Variants in USP42 observed in about 807,000 individuals in gnomAD.
The protein encoded by USP42 is ubiquitin carboxyl-terminal hydrolase 42.
Under a neutral mutation model 113.0 loss-of-function variants are expected in USP42, and 23 were observed. The observed-to-expected ratio is 0.20, with a 90% CI of 0.15 to 0.29. The LOEUF (loss-of-function observed/expected upper bound fraction) is 0.29, where lower values mean the gene tolerates loss of function less well. USP42 is among the 10% of genes least tolerant of loss of function. The pLI is 1.00. For missense variants in USP42, 2,174 were observed against 1,779.8 expected (o/e 1.22, Z -3.99); for synonymous variants, 933 against 699.0 (o/e 1.33, Z -5.28).
At chr7:6,110,489 G>GT (rs1779541121) in intron 1 of USP42, among the ~76,000 whole-genome samples, 1 of 152,070 alleles carries the variant, frequency 6.6e-6, no homozygotes, top group Non-Finnish European at 1.5e-5. Flanking sequence ...AGATATTTGT[G>GT]TTTGAGTTTG....
At chr7:6,085,624 A>AT in the USP42 span, among the ~76,000 whole-genome samples, 21 of 138,334 alleles carry the variant, frequency 1.5e-4, 1 homozygote, top group Admixed American at 2.2e-4. Flanking sequence ...ATATATATAT[A>AT]TTTTTTTTGA....
the USP42 span, among the ~76,000 whole-genome samples, chr7:6,091,990 CTTCT>C: frequency 1.7e-5 from 1 of 58,474 alleles, no homozygotes; most frequent in Non-Finnish European, 4.1e-5. Context: ...TCTTCTTCTT[CTTCT>C]TCTTCTTCTT....
At chr7:6,088,765 C>T in the USP42 span, 2 of 151,248 alleles carry the variant, frequency 1.3e-5, no homozygotes, top group Non-Finnish European at 2.9e-5. Context: ...ACATTTTGCT[C>T]TCCTTCTCTC....
chr7:6,082,603 GTTTTTTT>G, the USP42 span, among the ~76,000 whole-genome samples: 5 of 90,194 alleles, frequency 5.5e-5, no homozygotes, highest in South Asian at 7.1e-4. Context: ...CTTTCTTTCT[GTTTTTTT>G]TTTTTTTTTT....
the USP42 span, among the ~76,000 whole-genome samples, chr7:6,084,850 C>T: frequency 1.3e-5 from 2 of 150,100 alleles, no homozygotes; most frequent in South Asian, 4.2e-4. Context: ...TTCTGAGTAT[C>T]TGGAACTACA....
chr7:6,142,380 C>T (rs1296369244), intron 7 of USP42, among the ~76,000 whole-genome samples: 1 of 151,956 alleles, frequency 6.6e-6, no homozygotes. Context: ...CTGTGCCCTG[C>T]TAATTTTTTG....
At chr7:6,082,589 TTTTC>T in the USP42 span, among the ~76,000 whole-genome samples, 30 of 147,660 alleles carry the variant, frequency 2.0e-4, 1 homozygote, top group African/African-American at 6.4e-4. Flanking sequence ...TGCGTCTCTA[TTTTC>T]TTTCTTTCTG....
At chr7:6,105,487 G>A (rs1301279441) in intron 1 of USP42, among the ~76,000 whole-genome samples, 1 of 142,688 alleles carries the variant, frequency 7.0e-6, no homozygotes, top group Non-Finnish European at 1.6e-5. Flanking sequence ...CCCCCGCGTG[G>A]CTGCCACCTC....
Position 6,154,741 on chromosome 7 carries a change from C to T in USP42, c.3187C>T (p.His1063Tyr), listed in dbSNP as rs1241060097. Residue 1063 changes from histidine (H) to tyrosine (Y), a missense_variant, in exon 15 of 18, where the codon CAT becomes TAT. Physicochemically the swap from His to Tyr is moderately conservative, Grantham distance 83. Transcript: ENST00000306177. ...GCGCTGGGACAGGTGCCGGTACTAC[C>T]ATGACAGGTACGCCCTGTACGCTGC... The part of the protein sequence containing the change: ...RPRWDRCRYY[H>Y]DRYALYAARD... 2 of 1,576,972 alleles carry T rather than the reference C, an allele frequency of 1.3e-6. No homozygotes were observed. Among genetic ancestry groups the T allele is most frequent in the East Asian group, 2.3e-5 (1 of 42,640 alleles).
intron 1 of USP42, among the ~76,000 whole-genome samples, chr7:6,106,333 G>T (rs1317525294): frequency 6.6e-6 from 1 of 152,202 alleles, no homozygotes; most frequent in Admixed American, 6.5e-5. Context: ...GAGCGTAACA[G>T]TTTCTCTTTA....
At chr7:6,118,135 T>C (rs1780015902) in intron 3 of USP42, among the ~76,000 whole-genome samples, 1 of 152,184 alleles carries the variant, frequency 6.6e-6, no homozygotes, top group South Asian at 2.1e-4. Context: ...GGCTCATGCC[T>C]GTAATCCCAG....
At chr7:6,103,154 G>C (rs1790181777), upstream of USP42, among the ~76,000 whole-genome samples, 1 of 151,026 alleles carries the variant, frequency 6.6e-6, no homozygotes, top group Non-Finnish European at 1.5e-5. Flanking sequence ...GTTAGGCCTC[G>C]AGGTGGAGAC....
chr7:6,082,646 T>G, the USP42 span, among the ~76,000 whole-genome samples: 1 of 133,206 alleles, frequency 7.5e-6, no homozygotes, highest in Non-Finnish European at 1.5e-5. Flanking sequence ...TGTCTCCCTC[T>G]GTCACCCAGG....
intron 4 of USP42, among the ~76,000 whole-genome samples, chr7:6,137,953 A>G (rs552615505): frequency 3.9e-5 from 6 of 152,356 alleles, no homozygotes; most frequent in Middle Eastern, 3.4e-3. Context: ...TGTTGGAATT[A>G]CAGGTGTGAG....
intron 11 of USP42, 64 bp from the exon 12 acceptor site, chr7:6,147,675 G>A: frequency 6.7e-7 from 1 of 1,485,258 alleles, no homozygotes; most frequent in Non-Finnish European, 9.0e-7. Context: ...TGTTGACTTT[G>A]TAAATGAATC....
rs10246266 is a variant in USP42 at position 6,159,634 on chromosome 7, C to G, written c.*36+141C>G. The G allele has an allele frequency of 0.064, 50,407 of 782,728 alleles. 2,066 individuals are homozygous for G. Among genetic ancestry groups the G allele is most frequent in the African/African-American group, 0.14 (8,064 of 57,202 alleles). 48.5% of individuals were successfully genotyped at this position (782,728 alleles called of 1,614,324 possible). Reference sequence around the variant, plus strand: ...AGCCATGGAGAGGCCCCGGCAGGTTCCCAGCCAGCCCAGACCCAGGCCACG... The same window carrying G: ...AGCCATGGAGAGGCCCCGGCAGGTTGCCAGCCAGCCCAGACCCAGGCCACG... On this transcript the variant is annotated intron_variant, in intron 17 of 17. Transcript: ENST00000306177. This position sits in a 1 kb window ranked among gnomAD's most constrained non-coding sequence, Gnocchi z 4.1.
chr7:6,084,522 C>G, the USP42 span: 1 of 151,174 alleles, frequency 6.6e-6, no homozygotes, highest in Non-Finnish European at 1.5e-5. Flanking sequence ...CCAGCCTTGC[C>G]CCAGGATATT....
chr7:6,141,201 CTTTTTTTT>C (rs903124477), intron 7 of USP42, among the ~76,000 whole-genome samples: 23 of 124,000 alleles, frequency 1.9e-4, no homozygotes, highest in African/African-American at 6.9e-4. Context: ...TTTTTCTTTT[CTTTTTTTT>C]TTTTTTTTTT....
intron 7 of USP42, among the ~76,000 whole-genome samples, chr7:6,142,723 A>G (rs1781502478): frequency 6.6e-6 from 1 of 152,020 alleles, no homozygotes; most frequent in South Asian, 2.1e-4. Flanking sequence ...TGTCTCTACA[A>G]AAAAATGAAA....
Sources: allele counts gnomAD v4.1 joint callset (sites outside exome capture counted in the v4.1 genomes callset), GRCh38; gene constraint gnomAD v4.1.1; non-coding constraint Gnocchi (gnomAD v3.1); transcripts MANE v1.5; gene names NCBI Gene and HGNC (gene_info 2026-07-23, HGNC 2026-07-21).